Variants in CACNA2D3 observed in about 807,000 individuals in gnomAD.
The protein encoded by CACNA2D3 is calcium voltage-gated channel auxiliary subunit alpha2delta 3.
CACNA2D3 carries 60 observed loss-of-function variants against 160.6 expected under a neutral mutation model. That is an observed-to-expected ratio of 0.37 (90% CI 0.30 to 0.46). The LOEUF is 0.46. Among genes scored for constraint, CACNA2D3 ranks in the 20% least tolerant of loss-of-function variants. CACNA2D3 has a pLI of 1.00. For missense variants in CACNA2D3, 1,205 were observed against 1,365.0 expected, an observed-to-expected ratio of 0.88 and a Z score of 1.85; for synonymous variants, 558 against 492.9, an observed-to-expected ratio of 1.13 and a Z score of -1.75.
intron 5 of CACNA2D3, among the ~76,000 whole-genome samples, chr3:54,504,232 T>G (rs1701335247): frequency 6.6e-6 from 1 of 152,178 alleles, no homozygotes; most frequent in Non-Finnish European, 1.5e-5. Flanking sequence ...TCCAGGCTTG[T>G]GTGCCTCAAA....
Position 55,018,970 on chromosome 3 carries a change from A to G in CACNA2D3, c.2987+653A>G, listed in dbSNP as rs375690235. Among the ~76,000 whole-genome samples, 108 of 121,026 alleles carry G rather than the reference A, an allele frequency of 8.9e-4. 1 individual carries two copies. The East Asian group carries it at 0.02, about 23-fold the overall frequency. 79.4% of individuals were successfully genotyped at this position (121,026 alleles called of 152,430 possible). A position where few individuals can be genotyped will look rare whatever the true frequency, so the allele number is the denominator to read the frequency against. On this transcript the variant is annotated intron_variant, in intron 35 of 37. Transcript: ENST00000474759. Reference sequence around the variant, plus strand: ...CCTTTTTTTTTTTTTTTTTTAAGAGATGGGGTCTTACTGTGTTGCCTGGGC... The same window carrying G: ...CCTTTTTTTTTTTTTTTTTTAAGAGGTGGGGTCTTACTGTGTTGCCTGGGC...
At chr3:54,494,332 T>A (rs566411515) in intron 4 of CACNA2D3, among the ~76,000 whole-genome samples, 1 of 152,080 alleles carries the variant, frequency 6.6e-6, no homozygotes, top group Non-Finnish European at 1.5e-5. Context: ...AAGAGACAAA[T>A]GGGTTTGGGG....
At chr3:54,812,045 A>T (rs1270552232) in intron 13 of CACNA2D3, among the ~76,000 whole-genome samples, 2 of 152,178 alleles carry the variant, frequency 1.3e-5, no homozygotes, top group Non-Finnish European at 2.9e-5. Context: ...TGTCTTCAAT[A>T]TCCTAGTGCA....
intron 11 of CACNA2D3, among the ~76,000 whole-genome samples, chr3:54,687,122 T>TTTTC (rs1700468668): frequency 4.5e-5 from 1 of 22,372 alleles, no homozygotes. Flanking sequence ...TTTCTTTTTC[T>TTTTC]TTTTTTTTTT....
intron 17 of CACNA2D3, among the ~76,000 whole-genome samples, chr3:54,863,300 A>T (rs886494503): frequency 6.6e-6 from 1 of 151,984 alleles, no homozygotes. Flanking sequence ...GCCCACATGG[A>T]TCTTTATTTT....
At chr3:55,068,966 G>A (rs1704735741) in intron 35 of CACNA2D3, among the ~76,000 whole-genome samples, 1 of 152,124 alleles carries the variant, frequency 6.6e-6, no homozygotes, top group African/African-American at 2.4e-5. Context: ...CCCACCTGTG[G>A]TATAGAAGAG....
At chr3:54,593,696 GGT>G (rs1702902393) in intron 9 of CACNA2D3, among the ~76,000 whole-genome samples, 1 of 152,120 alleles carries the variant, frequency 6.6e-6, no homozygotes, top group Non-Finnish European at 1.5e-5. Flanking sequence ...CTGATTTCCA[GGT>G]ATGTTTCTCC....
intron 27 of CACNA2D3, chr3:54,918,690 C>T: frequency 6.2e-7 from 1 of 1,614,180 alleles, no homozygotes; most frequent in Non-Finnish European, 8.5e-7. Context: ...GCTCGCACTC[C>T]AAGAGTTCTC....
At chr3:54,901,404 C>T (rs954186539) in intron 27 of CACNA2D3, 8 of 152,242 alleles carry the variant, frequency 5.3e-5, no homozygotes, top group African/African-American at 1.9e-4. Flanking sequence ...TTCCAAATGC[C>T]TTACATTTCA....
intron 24 of CACNA2D3, among the ~76,000 whole-genome samples, chr3:54,890,825 CTG>C (rs1700047466): frequency 6.6e-6 from 1 of 152,220 alleles, no homozygotes; most frequent in South Asian, 2.1e-4. Context: ...GCCCCCACAA[CTG>C]TGTGGATGTC....
At chr3:55,034,392 G>C (rs1246052307) in intron 35 of CACNA2D3, among the ~76,000 whole-genome samples, 1 of 151,750 alleles carries the variant, frequency 6.6e-6, no homozygotes, top group Admixed American at 6.6e-5. Context: ...CTCTTAAGTT[G>C]TTAAGTCTTA....
chr3:54,290,922 G>GAA (rs1466367266), intron 2 of CACNA2D3, among the ~76,000 whole-genome samples: 1 of 152,006 alleles, frequency 6.6e-6, no homozygotes, highest in African/African-American at 2.4e-5. Context: ...GGTAGCGGGG[G>GAA]GTGAGGGATA....
At chr3:54,192,508 G>A (rs1263823139) in intron 2 of CACNA2D3, among the ~76,000 whole-genome samples, 1 of 152,166 alleles carries the variant, frequency 6.6e-6, no homozygotes, top group Non-Finnish European at 1.5e-5. Flanking sequence ...ACCTAAGGGG[G>A]AAGATAGTTG....
In CACNA2D3 at chr3:54,622,145, G is replaced by A. The variant is rs1268083361; in HGVS notation, c.964-5642G>A. Reference sequence around the variant, plus strand: ...TCACTACCCCACCCACTACTCAGGTGCTTTCCCATCCTCATTTCACAGCAG... The same window carrying A: ...TCACTACCCCACCCACTACTCAGGTACTTTCCCATCCTCATTTCACAGCAG... On this transcript the variant is annotated intron_variant, in intron 9 of 37. Transcript: ENST00000474759. 3.9e-5 allele frequency among the ~76,000 whole-genome samples: 6 copies of A among 152,312 alleles called. No individual in the cohort carries two copies. In the East Asian group the frequency reaches 1.2e-3, roughly 29 times the overall value.
At chr3:54,882,896 CGGCAAATAGGT>C (rs1699835805) in intron 21 of CACNA2D3, among the ~76,000 whole-genome samples, 1 of 152,126 alleles carries the variant, frequency 6.6e-6, no homozygotes, top group Admixed American at 6.5e-5. Context: ...ATTACAAAGG[CGGCAAATAGGT>C]AGCTTTTGCT....
At chr3:54,669,566 T>A (rs918893938) in intron 11 of CACNA2D3, among the ~76,000 whole-genome samples, 1 of 152,110 alleles carries the variant, frequency 6.6e-6, no homozygotes, top group Non-Finnish European at 1.5e-5. Context: ...AGTGGACTGG[T>A]CTGTTGTTAA....
At chr3:54,514,611 C>T (rs1267275349) in intron 5 of CACNA2D3, among the ~76,000 whole-genome samples, 3 of 152,028 alleles carry the variant, frequency 2.0e-5, no homozygotes, top group Admixed American at 6.5e-5. Context: ...ATGATGCACC[C>T]GGAGGAAATG....
chr3:54,709,245 C>A (rs969287029), intron 11 of CACNA2D3, among the ~76,000 whole-genome samples: 1 of 151,978 alleles, frequency 6.6e-6, no homozygotes, highest in African/African-American at 2.4e-5. Context: ...GAACTGCTGA[C>A]CTCAAGTGAT....
chr3:55,001,994 T>A (rs953626773), intron 31 of CACNA2D3, among the ~76,000 whole-genome samples: 2 of 151,948 alleles, frequency 1.3e-5, no homozygotes, highest in African/African-American at 4.8e-5. Flanking sequence ...CCATCTCTAC[T>A]AAAAATACAA....
Sources: allele counts gnomAD v4.1 joint callset (sites outside exome capture counted in the v4.1 genomes callset), GRCh38; gene constraint gnomAD v4.1.1; transcripts MANE v1.5; gene names NCBI Gene and HGNC (gene_info 2026-07-23, HGNC 2026-07-21).